Variants in GRM5 observed in about 807,000 individuals in gnomAD.
The protein encoded by GRM5 is metabotropic glutamate receptor 5.
GRM5 carries 19 observed loss-of-function variants against 83.1 expected under a neutral mutation model. The ratio of observed to expected loss-of-function variants is 0.23; its 90% confidence interval spans 0.16 to 0.34. GRM5 has a LOEUF of 0.34. Among genes scored for constraint, GRM5 ranks in the 10% least tolerant of loss-of-function variants. The probability of loss-of-function intolerance (pLI) is 1.00; values close to 1 mark genes in which losing one functional copy is unlikely to be tolerated. For synonymous variants in GRM5, 675 were observed against 633.6 expected, an observed-to-expected ratio of 1.07 and a Z score of -0.98; for missense variants, 1,160 against 1,588.3, an observed-to-expected ratio of 0.73 and a Z score of 4.58.
intron 3 of GRM5, among the ~76,000 whole-genome samples, chr11:88,841,864 A>G (rs1401440033): frequency 1.3e-5 from 2 of 152,166 alleles, no homozygotes; most frequent in Non-Finnish European, 2.9e-5. Flanking sequence ...TTTTCACTGT[A>G]ATGCATGATT....
rs570065203 is a variant in GRM5 at position 88,634,133 on chromosome 11, T to C, written c.1147+19035A>G. Among the ~76,000 whole-genome samples, 5 of 152,308 alleles carry C rather than the reference T, an allele frequency of 3.3e-5. No homozygotes were observed. The South Asian group carries it at 1.0e-3, about 32-fold the overall frequency. On this transcript the variant is annotated intron_variant, in intron 4 of 9. Transcript: ENST00000305447. ...TTTAAAATGGTATACTTCTATAGGA[T>C]ATTTACAATGAATAGAGCTTGCAGG... is the stretch of plus-strand genomic sequence containing the variant.
At chr11:88,706,971 G>C (rs1941174826) in intron 3 of GRM5, among the ~76,000 whole-genome samples, 1 of 152,040 alleles carries the variant, frequency 6.6e-6, no homozygotes, top group African/African-American at 2.4e-5. Context: ...CAATGTTTGA[G>C]GATCAGTGAA....
chr11:89,044,685 G>A (rs905355266), intron 2 of GRM5, among the ~76,000 whole-genome samples: 1 of 152,018 alleles, frequency 6.6e-6, no homozygotes, highest in Admixed American at 6.6e-5. Context: ...GAACAAAGGA[G>A]AATAATTATA....
At chr11:89,058,415 A>T (rs937968924) in intron 1 of GRM5, among the ~76,000 whole-genome samples, 2 of 152,184 alleles carry the variant, frequency 1.3e-5, no homozygotes, top group African/African-American at 4.8e-5. Flanking sequence ...ACGTCCTCAG[A>T]TATTAGCAAA....
chr11:88,621,880 G>A (rs1296113128), intron 4 of GRM5, among the ~76,000 whole-genome samples: 1 of 152,132 alleles, frequency 6.6e-6, no homozygotes, highest in African/African-American at 2.4e-5. Context: ...ACCAGAAAAT[G>A]CAGAGTTCAC....
intron 2 of GRM5, among the ~76,000 whole-genome samples, chr11:88,859,594 C>G (rs945241830): frequency 6.6e-6 from 1 of 152,098 alleles, no homozygotes; most frequent in African/African-American, 2.4e-5. Context: ...AAATAATTGA[C>G]AGCTAGTAAA....
intron 3 of GRM5, among the ~76,000 whole-genome samples, chr11:88,677,643 T>C (rs1940367563): frequency 6.6e-6 from 1 of 152,162 alleles, no homozygotes; most frequent in African/African-American, 2.4e-5. Flanking sequence ...CATAAGCTAA[T>C]AAATCCTCTT....
chr11:89,028,237 C>T (rs1474533323), intron 2 of GRM5, among the ~76,000 whole-genome samples: 1 of 152,160 alleles, frequency 6.6e-6, no homozygotes, highest in Non-Finnish European at 1.5e-5. Context: ...TTATAACTAA[C>T]ATCCACGCAG....
intron 3 of GRM5, among the ~76,000 whole-genome samples, chr11:88,720,324 T>A (rs1046707478): frequency 6.6e-6 from 1 of 152,104 alleles, no homozygotes; most frequent in African/African-American, 2.4e-5. Flanking sequence ...TGTTTATACC[T>A]ATGACTGAGT....
intron 2 of GRM5, among the ~76,000 whole-genome samples, chr11:88,975,194 T>C (rs1456439939): frequency 2.0e-5 from 3 of 152,206 alleles, no homozygotes; most frequent in Admixed American, 2.0e-4. Flanking sequence ...AAATATATCA[T>C]ATAAAGTATA....
intron 2 of GRM5, among the ~76,000 whole-genome samples, chr11:88,887,250 T>A (rs914366155): frequency 4.6e-5 from 7 of 152,208 alleles, no homozygotes; most frequent in Admixed American, 2.0e-4. Flanking sequence ...CTATTCTGCC[T>A]CCAATTAGAA....
At chr11:88,724,492 G>C (rs145442930) in intron 3 of GRM5, among the ~76,000 whole-genome samples, 179 of 152,254 alleles carry the variant, frequency 1.2e-3, no homozygotes, top group Non-Finnish European at 2.0e-3. Context: ...TGTGATGGTA[G>C]GGTTGCATCT....
At chr11:88,638,002 T>G (rs1023603393) in intron 4 of GRM5, among the ~76,000 whole-genome samples, 98 of 151,714 alleles carry the variant, frequency 6.5e-4, no homozygotes, top group East Asian at 2.3e-3. Context: ...CATGTCCTTT[T>G]TAGGGACATG....
At chr11:88,968,634 CCACTGTA>C (rs1231151561) in intron 2 of GRM5, among the ~76,000 whole-genome samples, 4 of 152,032 alleles carry the variant, frequency 2.6e-5, no homozygotes, top group Non-Finnish European at 5.9e-5. Flanking sequence ...CATAAATGTA[CCACTGTA>C]CTGCAGCCTG....
chr11:89,009,873 C>T (rs1940638297), intron 2 of GRM5, among the ~76,000 whole-genome samples: 1 of 116,234 alleles, frequency 8.6e-6, no homozygotes, highest in African/African-American at 3.3e-5. Flanking sequence ...TGCACTCCAG[C>T]CTGGGCGACA....
chr11:89,051,030 C>T lies in GRM5; in HGVS notation c.-200-2958G>A, dbSNP rs528475805. ...TTCATACATGGGTGATGAAATAATA[C>T]GTACAACAAATCCCCATGACACCAG... is the stretch of plus-strand genomic sequence containing the variant. On this transcript the variant is annotated intron_variant, in intron 1 of 9. Transcript: ENST00000305447. 1.2e-4 allele frequency among the ~76,000 whole-genome samples: 19 copies of T among 152,080 alleles called. No homozygotes were observed. In the South Asian group the frequency reaches 3.3e-3, roughly 27 times the overall value.
intron 7 of GRM5, among the ~76,000 whole-genome samples, chr11:88,579,344 G>A (rs1375893368): frequency 6.6e-6 from 1 of 152,046 alleles, no homozygotes; most frequent in African/African-American, 2.4e-5. Context: ...ATATACAAAA[G>A]TTACTGTATT....
chr11:88,792,951 G>T (rs547980551), intron 3 of GRM5, among the ~76,000 whole-genome samples: 38 of 152,196 alleles, frequency 2.5e-4, no homozygotes, highest in South Asian at 1.5e-3. Context: ...ATACTATTTA[G>T]AGACTATTTC....
Position 88,678,883 on chromosome 11 carries a change from T to G in GRM5, c.912-25480A>C, listed in dbSNP as rs1940405152. On this transcript the variant is annotated intron_variant, in intron 3 of 9. Coordinates refer to ENST00000305447, the MANE Select transcript of GRM5 (RefSeq NM_001143831.3). ...GAAGAAAAAGTATCCCATTTGAAGCTCTGTGGTAAAAAGAAGCTTGACTCA... is the reference window on the plus strand; with the variant it reads ...GAAGAAAAAGTATCCCATTTGAAGCGCTGTGGTAAAAAGAAGCTTGACTCA... Among the ~76,000 whole-genome samples the G allele has an allele frequency of 1.3e-5, 2 of 151,578 alleles. 1 individual carries two copies. Among genetic ancestry groups the G allele is most frequent in the Admixed American group, 1.3e-4 (2 of 15,184 alleles).
Sources: allele counts gnomAD v4.1 joint callset (sites outside exome capture counted in the v4.1 genomes callset), GRCh38; gene constraint gnomAD v4.1.1; transcripts MANE v1.5; gene names NCBI Gene and HGNC (gene_info 2026-07-23, HGNC 2026-07-21).